Variants in PNPLA1 observed in about 807,000 individuals in gnomAD.
PNPLA1 encodes omega-hydroxyceramide transacylase.
In PNPLA1, 36 loss-of-function variants were observed where a neutral mutation model predicts 51.7. The observed-to-expected ratio is 0.70, with a 90% confidence interval of 0.53 to 0.92. PNPLA1 has a LOEUF of 0.92. Among genes scored for constraint, PNPLA1 ranks in the 40% least tolerant of loss-of-function variants. PNPLA1 has a pLI of 0.00. For missense variants in PNPLA1, 658 were observed against 682.5 expected, an observed-to-expected ratio of 0.96 and a Z score of 0.40; for synonymous variants, 293 against 280.1, an observed-to-expected ratio of 1.05 and a Z score of -0.46.
In PNPLA1 at chr6:36,248,256, G is replaced by A. The variant is rs77541605; in HGVS notation, c.-81+4995G>A. ...CAGTGGAGAACAGATATAAGGATTC[G>A]ACAAGGCTCTGGTGAACCTGCAAAA... On this transcript the variant is annotated intron_variant, in intron 1 of 7. Transcript: ENST00000312917. Among the ~76,000 whole-genome samples the A allele has an allele frequency of 8.8e-3, 1,333 of 152,242 alleles. 16 individuals are homozygous for A. The highest frequency in any genetic ancestry group is 0.03 in the African/African-American group (1,245 of 41,522).
chr6:36,295,364 A>T lies in PNPLA1; in HGVS notation c.715A>T (p.Ile239Phe), dbSNP rs1453846685. The T allele has an allele frequency of 3.7e-6, 6 of 1,614,036 alleles. No homozygotes were observed. The highest frequency in any genetic ancestry group is 1.7e-5 in the Admixed American group (1 of 59,992). The change falls in exon 5 of 9, where the codon ATC becomes TTC. Residue 239 changes from isoleucine (I) to phenylalanine (F), a missense_variant and splice_region_variant. Transcript: ENST00000636260. ...THALFPPDLVILHDYYYRGYE... is the reference protein window; with the variant it reads ...THALFPPDLVFLHDYYYRGYE... ...ATTCTCCTGGTGCCTCCGCCCACAG[A>T]TCCTGCACGATTACTACTACCGAGG...
intron 1 of PNPLA1, among the ~76,000 whole-genome samples, chr6:36,284,103 G>C (rs1770401980): frequency 6.6e-6 from 1 of 152,180 alleles, no homozygotes. Context: ...CTGGATTCTG[G>C]GGGGAAAAGC....
intron 1 of PNPLA1, among the ~76,000 whole-genome samples, chr6:36,280,199 C>T (rs886151593): frequency 2.6e-4 from 39 of 152,120 alleles, no homozygotes; most frequent in Non-Finnish European, 5.6e-4. Flanking sequence ...AGCAAGACTC[C>T]GTCTCAAAAA....
chr6:36,299,842 A>C (rs1008190000), intron 5 of PNPLA1, among the ~76,000 whole-genome samples: 22 of 152,130 alleles, frequency 1.4e-4, no homozygotes, highest in Non-Finnish European at 1.2e-4. Flanking sequence ...TAGACTCTTA[A>C]TAAGCTTTGT....
chr6:36,301,201 G>A (rs1771033430), intron 5 of PNPLA1, among the ~76,000 whole-genome samples: 1 of 136,536 alleles, frequency 7.3e-6, no homozygotes, highest in South Asian at 2.3e-4. Flanking sequence ...GCTCACTGAA[G>A]CTTCAGCTTC....
chr6:36,287,715 A>G (rs185694972), intron 1 of PNPLA1, among the ~76,000 whole-genome samples: 2 of 152,100 alleles, frequency 1.3e-5, no homozygotes, highest in East Asian at 1.9e-4. Context: ...AGACAAAGAG[A>G]CACAGAGAAA....
At position 36,282,981 on chromosome 6, in the gene PNPLA1, C is replaced by A. The variant is rs117691879; in HGVS notation, c.206-8339C>A. 4.4e-4 allele frequency among the ~76,000 whole-genome samples: 67 copies of A among 152,314 alleles called. No individual in the cohort carries two copies. The East Asian group carries it at 0.013, about 29-fold the overall frequency. ...TACAGGCATGAGCCACCGCACCTGA[C>A]CTGATCTGTGTTTTTTTAAAAATTT... On this transcript the variant is annotated intron_variant, in intron 1 of 8. Transcript: ENST00000636260.
At chr6:36,244,151 C>CCT (rs149580963) in intron 1 of PNPLA1, among the ~76,000 whole-genome samples, 2 of 151,486 alleles carry the variant, frequency 1.3e-5, no homozygotes, top group Admixed American at 6.6e-5. Context: ...CCTCCTCCTT[C>CCT]CTCTCTCTCT....
intron 1 of PNPLA1, among the ~76,000 whole-genome samples, chr6:36,251,800 C>G (rs1431670000): frequency 6.6e-6 from 1 of 151,746 alleles, no homozygotes; most frequent in African/African-American, 2.4e-5. Context: ...TTTTAATTAG[C>G]CAGGTGAGGT....
chr6:36,307,833 G>A (rs1017392614), intron 8 of PNPLA1, 121 bp downstream of exon 8: 2 of 1,303,948 alleles, frequency 1.5e-6, no homozygotes, highest in Non-Finnish European at 2.1e-6. Context: ...GGGAGATTGG[G>A]CTTTGGAACA....
At chr6:36,308,942 C>T (rs1309253928) in intron 8 of PNPLA1, among the ~76,000 whole-genome samples, 2 of 152,158 alleles carry the variant, frequency 1.3e-5, no homozygotes, top group East Asian at 3.8e-4. Flanking sequence ...CTGGGCTGGG[C>T]AACATAGTAT....
At chr6:36,293,228 G>C in intron 3 of PNPLA1, 102 bp downstream of exon 3, 1 of 1,182,486 alleles carries the variant, frequency 8.5e-7, no homozygotes, top group Non-Finnish European at 1.2e-6. Flanking sequence ...AGAATGCAGC[G>C]GGAGGACCTA....
Position 36,270,653 on chromosome 6 carries a change from G to A in PNPLA1, c.194G>A (p.Gly65Glu). ...GAVIAALAIC[G>E]IEMDEYLRVL... ...GTGATCGCCGCCCTGGCCATCTGCG[G>A]GATTGAAATGGGTGAGGCCTGTGTT... The change falls in exon 1 of 9, where the codon GGG becomes GAG. Residue 65 changes from glycine (G) to glutamate (E), a missense_variant. Transcript: ENST00000636260. The A allele has an allele frequency of 1.3e-6, 2 of 1,550,940 alleles. No homozygotes were observed. The highest frequency in any genetic ancestry group is 1.2e-5 in the South Asian group (1 of 84,030).
intron 1 of PNPLA1, among the ~76,000 whole-genome samples, chr6:36,282,253 A>AGAAAGAAG (rs1561859721): frequency 1.5e-5 from 2 of 131,396 alleles, no homozygotes; most frequent in East Asian, 4.4e-4. Context: ...AAAGAAGGAA[A>AGAAAGAAG]GAAAGAAAGA....
intron 1 of PNPLA1, among the ~76,000 whole-genome samples, chr6:36,247,389 C>T (rs1029743131): frequency 7.2e-5 from 11 of 152,198 alleles, no homozygotes; most frequent in African/African-American, 1.7e-4. Context: ...TCCAGTTCTC[C>T]GCCAACTCTG....
chr6:36,302,900 A>G (rs1460534653), intron 6 of PNPLA1, among the ~76,000 whole-genome samples: 1 of 152,144 alleles, frequency 6.6e-6, no homozygotes, highest in East Asian at 1.9e-4. Context: ...CGTGCTACTC[A>G]AAGAGTGGTC....
intron 6 of PNPLA1, among the ~76,000 whole-genome samples, chr6:36,305,031 C>T (rs1771188093): frequency 6.6e-6 from 1 of 152,192 alleles, no homozygotes; most frequent in Non-Finnish European, 1.5e-5. Context: ...TTATAGCTTA[C>T]AGCTGAGCCT....
chr6:36,277,421 A>G (rs1391742707), intron 1 of PNPLA1, among the ~76,000 whole-genome samples: 4 of 152,248 alleles, frequency 2.6e-5, no homozygotes, highest in Non-Finnish European at 5.9e-5. Flanking sequence ...CCATGTGGCC[A>G]GCTAAAAATT....
chr6:36,261,065 G>T (rs1199069554), intron 1 of PNPLA1, among the ~76,000 whole-genome samples: 1 of 152,328 alleles, frequency 6.6e-6, no homozygotes, highest in Non-Finnish European at 1.5e-5. Context: ...CTGGGCTCAA[G>T]CAATCCTCCC....
Sources: allele counts gnomAD v4.1 joint callset (sites outside exome capture counted in the v4.1 genomes callset), GRCh38; gene constraint gnomAD v4.1.1; transcripts MANE v1.5; gene names NCBI Gene and HGNC (gene_info 2026-07-23, HGNC 2026-07-21).